ADH5: variants seen among roughly 807,000 people sequenced by gnomAD.
ADH5 encodes alcohol dehydrogenase class-3.
A neutral mutation model predicts 40.3 loss-of-function variants in ADH5; 32 were observed. The ratio of observed to expected loss-of-function variants is 0.79; its 90% CI spans 0.60 to 1.07. The LOEUF is 1.07. Ranked by LOEUF, ADH5 falls within the 50% of genes least tolerant of loss-of-function variation. The pLI, the probability that ADH5 is intolerant of heterozygous loss-of-function variation, is 0.00. For synonymous variants in ADH5, 125 were observed against 154.3 expected, an observed-to-expected ratio of 0.81 and a Z score of 1.41; for missense variants, 353 against 460.5, an observed-to-expected ratio of 0.77 and a Z score of 2.14.
chr4:99,080,143 G>A (rs528789771), intron 4 of ADH5: 16 of 320,508 alleles, frequency 5.0e-5, no homozygotes, highest in Admixed American at 9.1e-5. Context: ...AGTTACATCC[G>A]GATGACAATG....
At chr4:99,087,370 C>T (rs978420777) in intron 1 of ADH5, among the ~76,000 whole-genome samples, 2 of 116,898 alleles carry the variant, frequency 1.7e-5, no homozygotes, top group East Asian at 5.1e-4. Flanking sequence ...AAACAAAGAG[C>T]GAAACTCCGT....
chr4:99,081,605 T>C (rs1728025405), intron 3 of ADH5, 153 bp from the exon 4 acceptor site: 1 of 609,424 alleles, frequency 1.6e-6, no homozygotes, highest in Non-Finnish European at 2.9e-6. Flanking sequence ...TCAGATACTG[T>C]CTGACCATGC....
At chr4:99,072,988 A>G (rs1362836052) in intron 7 of ADH5, among the ~76,000 whole-genome samples, 1 of 152,240 alleles carries the variant, frequency 6.6e-6, no homozygotes, top group East Asian at 1.9e-4. Context: ...GAACTCTGGA[A>G]GTCTCAACAA....
At chr4:99,080,088 A>T in intron 4 of ADH5, 1 of 404,584 alleles carries the variant, frequency 2.5e-6, no homozygotes, top group East Asian at 7.9e-5. Flanking sequence ...ATGAACAAAT[A>T]TTTACAGTAA....
At chr4:99,088,084 GT>G (rs1191347213) in intron 1 of ADH5, among the ~76,000 whole-genome samples, 1 of 152,178 alleles carries the variant, frequency 6.6e-6, no homozygotes, top group Non-Finnish European at 1.5e-5. Flanking sequence ...TCAAACCTCA[GT>G]TTTTGGTAAG....
intron 4 of ADH5, 131 bp from the exon 5 acceptor site, chr4:99,077,054 C>A: frequency 1.5e-6 from 1 of 683,096 alleles, no homozygotes; most frequent in Non-Finnish European, 2.4e-6. Flanking sequence ...CAAATATATT[C>A]ATTAGTAATT....
At chr4:99,085,405 G>T in intron 1 of ADH5, 189 bp from the exon 2 acceptor site, 1 of 423,310 alleles carries the variant, frequency 2.4e-6, no homozygotes, top group Non-Finnish European at 4.2e-6. Context: ...ATTTAATTGA[G>T]ATGATTACCT....
At chr4:99,072,799 A>C in intron 7 of ADH5, 88 bp from the exon 8 acceptor site, 1 of 1,292,244 alleles carries the variant, frequency 7.7e-7, no homozygotes, top group South Asian at 1.5e-5. Context: ...TAAAAGAATG[A>C]ATTTTTTGAT....
At chr4:99,081,891 T>C in intron 3 of ADH5, 84 bp downstream of exon 3, 1 of 1,395,142 alleles carries the variant, frequency 7.2e-7, no homozygotes, top group African/African-American at 1.4e-5. Flanking sequence ...TATTCATAAA[T>C]AGTGGGTAGT....
chr4:99,078,021 T>TG (rs1243444935), intron 4 of ADH5, among the ~76,000 whole-genome samples: 1 of 152,246 alleles, frequency 6.6e-6, no homozygotes, highest in Non-Finnish European at 1.5e-5. Context: ...GCATTGTGTC[T>TG]GGCACAGAAC....
In ADH5 at chr4:99,071,105, C is replaced by G. The variant is rs1350999741; in HGVS notation, c.*1312G>C. The stretch of plus-strand genomic sequence containing the variant: ...ATGATTGATGTCTAGAATAAAAGAA[C>G]TCCTAAAAATTATTCAGAGAAAAAT... On this transcript the variant is annotated 3_prime_UTR_variant, in exon 9 of 9. Coordinates refer to ENST00000296412, the MANE Select transcript of ADH5 (RefSeq NM_000671.4). The G allele has an allele frequency of 6.6e-6, 1 of 152,120 alleles. No individual in the cohort carries two copies. Among genetic ancestry groups the G allele is most frequent in the Non-Finnish European group, 1.5e-5 (1 of 68,020 alleles). The allele number at this position is 152,120 out of a possible 1,614,324, so 9.4% of individuals were successfully genotyped here. A position where few individuals can be genotyped will look rare whatever the true frequency, so the allele number is the denominator to read the frequency against.
In ADH5 at chr4:99,076,721, C is replaced by A. The variant is rs202027164; in HGVS notation, c.547G>T (p.Ala183Ser). ...TCTCTTACCTTGGCAGTGTTCACAG[C>A]AGCACCATAACCGGTTGAAATGCCA... ...GCGISTGYGA[A>S]VNTAKLEPGS... is the part of the protein sequence containing the mutation. The change falls in exon 5 of 9, where the codon GCT (alanine) becomes TCT (serine). Residue 183 changes from alanine (A) to serine (S), a missense_variant. Transcript: ENST00000296412. 1.2e-6 allele frequency: 2 copies of A among 1,613,980 alleles called. No homozygotes were observed. Among genetic ancestry groups the A allele is most frequent in the Non-Finnish European group, 8.5e-7 (1 of 1,179,872 alleles).
intron 7 of ADH5, among the ~76,000 whole-genome samples, chr4:99,072,992 TCAA>T (rs1727861368): frequency 6.6e-6 from 1 of 152,314 alleles, no homozygotes; most frequent in East Asian, 1.9e-4. Context: ...TCTGGAAGTC[TCAA>T]CAACAAGCTT....
Position 99,076,453 on chromosome 4 carries a change from C to A in ADH5, c.664G>T (p.Val222Leu). Residue 222 changes from valine to leucine, a missense_variant, in exon 6 of 9, where the codon GTG (valine) becomes TTG (leucine). Transcript: ENST00000296412. ...KVAGASRIIG[V>L]DINKDKFARA... is the part of the protein sequence containing the mutation. Reference sequence around the variant, plus strand: ...GCAAATTTATCTTTATTGATGTCCACACCAATGATCCGGGAAGCACCAGCC... The same window carrying A: ...GCAAATTTATCTTTATTGATGTCCAAACCAATGATCCGGGAAGCACCAGCC... 1 of 1,614,166 alleles carries A rather than the reference C, an allele frequency of 6.2e-7. No homozygotes were observed. Among genetic ancestry groups the A allele is most frequent in the Non-Finnish European group, 8.5e-7 (1 of 1,180,022 alleles).
intron 1 of ADH5, among the ~76,000 whole-genome samples, chr4:99,087,047 C>T (rs1728154063): frequency 6.7e-6 from 1 of 149,542 alleles, no homozygotes. Flanking sequence ...ACAGAACAAA[C>T]GGTTGAGGGA....
intron 2 of ADH5, among the ~76,000 whole-genome samples, 168 bp downstream of exon 2, chr4:99,084,947 G>A (rs753849253): frequency 1.3e-5 from 2 of 152,218 alleles, no homozygotes; most frequent in Non-Finnish European, 2.9e-5. Flanking sequence ...ATGCTGCAAA[G>A]GTGAAAGATA....
Position 99,088,758 on chromosome 4 carries a change from G to T in ADH5, c.-58C>A, listed in dbSNP as rs570148536. 5.8e-6 allele frequency: 9 copies of T among 1,564,794 alleles called. No homozygotes were observed. The highest frequency in any genetic ancestry group is 5.5e-5 in the African/African-American group (4 of 72,768). ...CATCCGGGGTGGGCCGCGCAGCGAC[G>T]GAGGCATGGGCGTGGCGAGCGCCTA... On this transcript the variant is annotated 5_prime_UTR_variant, in exon 1 of 9. Coordinates refer to ENST00000296412, the MANE Select transcript of ADH5 (RefSeq NM_000671.4).
At chr4:99,087,367 G>C (rs1728164711) in intron 1 of ADH5, among the ~76,000 whole-genome samples, 1 of 128,248 alleles carries the variant, frequency 7.8e-6, no homozygotes, top group Non-Finnish European at 1.6e-5. Context: ...GGGAAACAAA[G>C]AGCGAAACTC....
At chr4:99,082,564 T>C (rs1057507942) in intron 2 of ADH5, among the ~76,000 whole-genome samples, 1 of 152,262 alleles carries the variant, frequency 6.6e-6, no homozygotes, top group South Asian at 2.1e-4. Context: ...GCCAGTCTGC[T>C]TGAGTCTGGA....
Sources: gnomAD v4.1 joint callset for allele counts (sites outside exome capture counted in the v4.1 genomes callset) on GRCh38, gnomAD v4.1.1 for gene constraint, MANE v1.5 for transcripts, NCBI Gene and HGNC (gene_info 2026-07-23, HGNC 2026-07-21) for gene names.